The following LGI2 variants were observed in gnomAD, a reference collection of about 807,000 sequenced individuals.
LGI2 encodes the protein leucine-rich repeat LGI family member 2.
In LGI2, 30 loss-of-function variants were observed where a neutral mutation model predicts 52.0. The observed-to-expected ratio is 0.58, with a 90% CI of 0.43 to 0.78. The LOEUF is 0.78. Ranked by LOEUF, LGI2 falls within the 30% of genes least tolerant of loss-of-function variation. LGI2 has a pLI of 0.00. For synonymous variants in LGI2, 270 were observed against 271.8 expected (o/e 0.99, Z 0.06); for missense variants, 573 against 692.5 (o/e 0.83, Z 1.94).
At chr4:25,030,007 G>T (rs534329891) in intron 1 of LGI2, among the ~76,000 whole-genome samples, 1 of 152,226 alleles carries the variant, frequency 6.6e-6, no homozygotes, top group South Asian at 2.1e-4. Context: ...GGGCAGTGAG[G>T]CCTCACCCTG....
intron 4 of LGI2, among the ~76,000 whole-genome samples, chr4:25,019,587 A>G (rs537782635): frequency 6.6e-6 from 1 of 152,222 alleles, no homozygotes; most frequent in South Asian, 2.1e-4. Flanking sequence ...ACCCCATCTC[A>G]TCGGTTTCCA....
intron 4 of LGI2, among the ~76,000 whole-genome samples, chr4:25,021,657 C>T (rs761959930): frequency 2.6e-5 from 4 of 152,088 alleles, no homozygotes; most frequent in Admixed American, 6.5e-5. Flanking sequence ...CCTGGCCGGG[C>T]GCGGTGGCTC....
At chr4:25,017,265 C>T (rs1226923169) in intron 6 of LGI2, among the ~76,000 whole-genome samples, 1 of 152,048 alleles carries the variant, frequency 6.6e-6, no homozygotes, top group Non-Finnish European at 1.5e-5. Flanking sequence ...GTGTTTGGGC[C>T]AGGCGCAGTG....
At chr4:25,029,097 A>G (rs1186108731) in intron 1 of LGI2, among the ~76,000 whole-genome samples, 4 of 152,228 alleles carry the variant, frequency 2.6e-5, no homozygotes, top group African/African-American at 9.6e-5. Flanking sequence ...GAGAGGCAGT[A>G]CCATCTGCCA....
Position 25,030,552 on chromosome 4 carries a change from T to C in LGI2, c.142A>G (p.Ile48Val), listed in dbSNP as rs1397417778. Reference protein sequence around the residue: ...ATCSCTKESIICVGSSWVPRI... With the variant: ...ATCSCTKESIVCVGSSWVPRI... ...GGCACCCAGGAAGAGCCCACGCAGATGATAGACTCCTTGGTACAGCTGCAA... is the reference window on the plus strand; with the variant it reads ...GGCACCCAGGAAGAGCCCACGCAGACGATAGACTCCTTGGTACAGCTGCAA... Residue 48 changes from isoleucine to valine, a missense_variant, in exon 1 of 8, where the codon ATC becomes GTC. By Grantham distance (29) the Ile-to-Val change is conservative. Transcript: ENST00000382114. The C allele has an allele frequency of 6.3e-7, 1 of 1,595,546 alleles. No homozygotes were observed. The highest frequency in any genetic ancestry group is 1.7e-5 in the Admixed American group (1 of 57,234).
Position 25,012,511 on chromosome 4 carries a change from T to G in LGI2, c.656-12A>C. 2 of 1,611,366 alleles carry G rather than the reference T, an allele frequency of 1.2e-6. No individual in the cohort carries two copies. On this transcript the variant is annotated splice_polypyrimidine_tract_variant and intron_variant, in intron 6 of 7. Transcript: ENST00000382114. ...ATGAACAACAAAATCTGGGGATGGG[T>G]GTTTAAAAAGAAAAGCGTTCATAAA...
rs1725832697 is a variant in LGI2 at position 25,018,088 on chromosome 4, T to C, written c.556A>G (p.Asn186Asp). 1 of 1,613,668 alleles carries C rather than the reference T, an allele frequency of 6.2e-7. No individual in the cohort carries two copies. Among genetic ancestry groups the C allele is most frequent in the South Asian group, 1.1e-5 (1 of 91,014 alleles). Residue 186 changes from asparagine to aspartate, a missense_variant, in exon 6 of 8, where the codon AAT becomes GAT. Asn to Asp is a conservative substitution (Grantham distance 23). Transcript: ENST00000382114. ...KWLYLWLKMT[N>D]STVSDVLCIG... ...CACAGCACATCAGAAACGGTGGAAT[T>C]TGTCATCTTCAACCACAGGTATAGC...
chr4:25,019,047 G>A (rs1397946775), intron 5 of LGI2, 120 bp downstream of exon 5: 13 of 727,656 alleles, frequency 1.8e-5, no homozygotes, highest in African/African-American at 1.4e-4. Flanking sequence ...GCACTACTTT[G>A]TTATAGATTT....
Position 25,024,881 on chromosome 4 carries a change from C to T in LGI2, c.352G>A (p.Gly118Arg). The T allele has an allele frequency of 1.2e-6, 2 of 1,601,314 alleles. No individual in the cohort carries two copies. Among genetic ancestry groups the T allele is most frequent in the Non-Finnish European group, 1.7e-6 (2 of 1,175,100 alleles). ...LFHLEYLFIE[G>R]NKIETISRNA... Reference sequence around the variant, plus strand: ...CTTGAAATGGTTTCTATTTTGTTCCCTTCAATGAACCTAAGAGGAAAAGTT... The same window carrying T: ...CTTGAAATGGTTTCTATTTTGTTCCTTTCAATGAACCTAAGAGGAAAAGTT... Residue 118 changes from glycine to arginine, a missense_variant, in exon 4 of 8, where the codon GGG becomes AGG. Physicochemically the swap from Gly to Arg is moderately radical, Grantham distance 125. Transcript: ENST00000382114.
chr4:25,018,265 A>T, intron 5 of LGI2, 107 bp from the exon 6 acceptor site: 1 of 739,180 alleles, frequency 1.4e-6, no homozygotes, highest in Non-Finnish European at 2.1e-6. Context: ...TGATATATTT[A>T]AAACCCCCTA....
At chr4:25,008,349 T>C (rs1430616934) in intron 7 of LGI2, among the ~76,000 whole-genome samples, 1 of 152,050 alleles carries the variant, frequency 6.6e-6, no homozygotes, top group Non-Finnish European at 1.5e-5. Flanking sequence ...GGTCAGGAGT[T>C]CAAGAACTCC....
intron 6 of LGI2, among the ~76,000 whole-genome samples, chr4:25,013,194 A>G (rs1725647652): frequency 6.6e-6 from 1 of 152,198 alleles, no homozygotes; most frequent in South Asian, 2.1e-4. Flanking sequence ...AATACATGTT[A>G]CCTTTTAGAG....
At chr4:25,028,719 T>TC (rs1726224388) in intron 1 of LGI2, 141 bp from the exon 2 acceptor site, 2 of 680,348 alleles carry the variant, frequency 2.9e-6, no homozygotes, top group East Asian at 5.5e-5. Flanking sequence ...CCCAGGATCT[T>TC]CCCCGGGGTA....
intron 6 of LGI2, 57 bp downstream of exon 6, chr4:25,017,932 A>G: frequency 6.9e-7 from 1 of 1,452,522 alleles, no homozygotes; most frequent in Middle Eastern, 1.8e-4. Context: ...ACAGTGTAAA[A>G]GAAAGACAAA....
chr4:25,029,250 T>C (rs1726250397), intron 1 of LGI2, among the ~76,000 whole-genome samples: 1 of 152,248 alleles, frequency 6.6e-6, no homozygotes, highest in Admixed American at 6.5e-5. Context: ...CAGCTGCTGG[T>C]CTGAAGGATT....
chr4:25,018,027 T>G lies in LGI2; in HGVS notation c.617A>C (p.Asn206Thr), dbSNP rs1725830806. The G allele has an allele frequency of 6.2e-7, 1 of 1,612,974 alleles. No individual in the cohort carries two copies. Among genetic ancestry groups the G allele is most frequent in the Non-Finnish European group, 8.5e-7 (1 of 1,179,762 alleles). ...GPPEYQEKKL[N>T]DVTSFDYECT... ...TTCATAGTCAAAGCTGGTCACGTCA[T>G]TTAGCTTCTTTTCCTGATACTCTGG... The change falls in exon 6 of 8, where the codon AAT (asparagine) becomes ACT (threonine). Residue 206 changes from asparagine to threonine, a missense_variant. Transcript: ENST00000382114.
rs899177420 is a variant in LGI2 at position 24,999,630 on chromosome 4, T to G, written c.*3821A>C. 2 of 313,154 alleles carry G rather than the reference T, an allele frequency of 6.4e-6. No individual in the cohort carries two copies. Among genetic ancestry groups the G allele is most frequent in the South Asian group, 5.1e-5 (2 of 39,490 alleles). The allele number at this position is 313,154 out of a possible 1,614,324, so 19.4% of individuals were successfully genotyped here. A position where few individuals can be genotyped will look rare whatever the true frequency, so the allele number is the denominator to read the frequency against. On this transcript the variant is annotated 3_prime_UTR_variant, in exon 8 of 8. Coordinates refer to ENST00000382114, the MANE Select transcript of LGI2 (RefSeq NM_018176.4). The stretch of plus-strand genomic sequence containing the variant: ...CTTAAGAGGTTTTCTTTAGGTGGCA[T>G]GCAAATAGACTCCCCTCCTGCAGAT...
At chr4:24,992,305 A>C in the LGI2 span, among the ~76,000 whole-genome samples, 4 of 152,020 alleles carry the variant, frequency 2.6e-5, no homozygotes, top group African/African-American at 9.7e-5. Flanking sequence ...GCCTTGTCCC[A>C]CCGCCCCCCA....
chr4:24,993,995 T>C (rs1261622903), downstream of LGI2, among the ~76,000 whole-genome samples: 2 of 152,204 alleles, frequency 1.3e-5, no homozygotes, highest in Non-Finnish European at 2.9e-5. Context: ...TGACTTTCTA[T>C]GTTAATGAAA....
Sources: allele counts gnomAD v4.1 joint callset (sites outside exome capture counted in the v4.1 genomes callset), GRCh38; gene constraint gnomAD v4.1.1; transcripts MANE v1.5; gene names NCBI Gene and HGNC (gene_info 2026-07-23, HGNC 2026-07-21).